Variants in TMEFF1 observed in about 807,000 individuals in gnomAD.
TMEFF1 encodes the protein tomoregulin-1.
In TMEFF1, 20 loss-of-function variants were observed where a neutral mutation model predicts 47.5. That is an observed-to-expected ratio of 0.42 (90% confidence interval 0.30 to 0.61). The LOEUF (loss-of-function observed/expected upper bound fraction) is 0.61. Among genes scored for constraint, TMEFF1 ranks in the 20% least tolerant of loss-of-function variants. TMEFF1 has a pLI of 0.19. For synonymous variants in TMEFF1, 162 were observed against 166.3 expected, an observed-to-expected ratio of 0.97 and a Z score of 0.20; for missense variants, 411 against 471.1, an observed-to-expected ratio of 0.87 and a Z score of 1.18.
Position 100,527,225 on chromosome 9 carries a change from C to G in TMEFF1, c.560+10454C>G, listed in dbSNP as rs150204271. On this transcript the variant is annotated intron_variant, in intron 5 of 9. Transcript: ENST00000374879. ...TGTCTTTTTAAAAAATGCCTGGATC[C>G]GGAGGGGAGGAGCCAAGATGGCCGA... is the stretch of plus-strand genomic sequence containing the variant. Among the ~76,000 whole-genome samples, 5 of 151,996 alleles carry G rather than the reference C, an allele frequency of 3.3e-5. No individual in the cohort carries two copies. The East Asian group carries it at 5.8e-4, about 18-fold the overall frequency.
intron 5 of TMEFF1, among the ~76,000 whole-genome samples, chr9:100,546,399 G>C (rs1838732742): frequency 6.6e-6 from 1 of 151,950 alleles, no homozygotes. Context: ...CATGAGAGCA[G>C]CACAGGAAAG....
intron 1 of TMEFF1, among the ~76,000 whole-genome samples, chr9:100,483,531 G>C (rs1433229386): frequency 1.0e-5 from 1 of 99,210 alleles, no homozygotes; most frequent in Non-Finnish European, 2.3e-5. Flanking sequence ...AAACAAACAA[G>C]GTGTGTCATT....
intron 5 of TMEFF1, among the ~76,000 whole-genome samples, chr9:100,539,416 T>G (rs1290975604): frequency 6.6e-6 from 1 of 152,224 alleles, no homozygotes; most frequent in African/African-American, 2.4e-5. Context: ...AAAGATGGTA[T>G]GTCCGGAGTT....
At chr9:100,498,481 A>G (rs978033097) in intron 1 of TMEFF1, among the ~76,000 whole-genome samples, 5 of 152,140 alleles carry the variant, frequency 3.3e-5, no homozygotes, top group Non-Finnish European at 7.4e-5. Context: ...CAAAATGGAA[A>G]AATTCCACAG....
intron 1 of TMEFF1, among the ~76,000 whole-genome samples, chr9:100,480,675 A>G (rs1837323103): frequency 6.6e-6 from 1 of 152,160 alleles, no homozygotes; most frequent in East Asian, 1.9e-4. Flanking sequence ...GGAAGTGGGG[A>G]ACTGTGTTTG....
intron 5 of TMEFF1, among the ~76,000 whole-genome samples, chr9:100,522,460 C>T (rs534765176): frequency 1.1e-3 from 70 of 60,994 alleles, no homozygotes; most frequent in Admixed American, 2.1e-3. Context: ...TTTTTTGAGA[C>T]GGAGTTTTGC....
chr9:100,478,634 TTATG>T (rs2118231393), intron 1 of TMEFF1, among the ~76,000 whole-genome samples: 1 of 152,334 alleles, frequency 6.6e-6, no homozygotes, highest in East Asian at 1.9e-4. Context: ...TCTTTTTTAT[TTATG>T]CTTATTTTTT....
intron 3 of TMEFF1, among the ~76,000 whole-genome samples, chr9:100,512,781 A>T (rs1837992302): frequency 6.6e-6 from 1 of 151,958 alleles, no homozygotes; most frequent in Non-Finnish European, 1.5e-5. Flanking sequence ...TAACATGAAA[A>T]CCTCAAGCCT....
At position 100,561,494 on chromosome 9, in the gene TMEFF1, C is replaced by T. The variant is rs778198988; in HGVS notation, c.873C>T (p.Ile291=). Residue 291 remains isoleucine, a synonymous_variant, in exon 8 of 10, where the codon ATC becomes ATT. Transcript: ENST00000374879. ...GCATCCATGGAAAATGTGAATTCAT[C>T]TATTCTACTCAGAAGGCTTCTTGTA... is the stretch of plus-strand genomic sequence containing the variant. The part of the protein sequence containing the change: ...GYCIHGKCEF[I]YSTQKASCRC... 17 of 1,613,528 alleles carry T rather than the reference C, an allele frequency of 1.1e-5. No homozygotes were observed. Among genetic ancestry groups the T allele is most frequent in the Non-Finnish European group, 1.3e-5 (15 of 1,179,776 alleles).
intron 7 of TMEFF1, among the ~76,000 whole-genome samples, chr9:100,554,092 A>T (rs1252875395): frequency 6.6e-6 from 1 of 151,528 alleles, no homozygotes; most frequent in Non-Finnish European, 1.5e-5. Context: ...CCTTGTCCCA[A>T]CCCCCACCCC....
At chr9:100,535,510 C>T (rs1221785955) in intron 5 of TMEFF1, among the ~76,000 whole-genome samples, 1 of 152,202 alleles carries the variant, frequency 6.6e-6, no homozygotes, top group Non-Finnish European at 1.5e-5. Flanking sequence ...GTGGCTCACA[C>T]CTGTAATCCC....
chr9:100,539,405 T>A (rs535490689), intron 5 of TMEFF1, among the ~76,000 whole-genome samples: 21 of 152,324 alleles, frequency 1.4e-4, no homozygotes, highest in African/African-American at 5.1e-4. Context: ...TTACGGTTCT[T>A]AAAGATGGTA....
chr9:100,549,162 C>A (rs759359383), intron 6 of TMEFF1, among the ~76,000 whole-genome samples: 11 of 152,208 alleles, frequency 7.2e-5, no homozygotes, highest in Middle Eastern at 3.4e-3. Flanking sequence ...GTTCCACAGG[C>A]TATACAGGAA....
intron 5 of TMEFF1, among the ~76,000 whole-genome samples, chr9:100,530,484 A>G (rs1267576017): frequency 2.7e-4 from 41 of 152,230 alleles, no homozygotes; most frequent in Non-Finnish European, 5.7e-4. Flanking sequence ...TAGAAAATCT[A>G]GAAGAAATGG....
intron 3 of TMEFF1, 32 bp from the exon 4 acceptor site, chr9:100,513,275 T>C: frequency 6.3e-7 from 1 of 1,578,196 alleles, no homozygotes; most frequent in Middle Eastern, 1.8e-4. Context: ...CCGGGAAAAA[T>C]GTTCATATTC....
intron 2 of TMEFF1, among the ~76,000 whole-genome samples, chr9:100,508,647 A>G (rs2118358005): frequency 6.6e-6 from 1 of 151,396 alleles, no homozygotes; most frequent in African/African-American, 2.4e-5. Flanking sequence ...TATTTTTATG[A>G]TTAGGTTTGA....
chr9:100,515,221 G>C (rs1057513028), intron 4 of TMEFF1, among the ~76,000 whole-genome samples: 2 of 151,944 alleles, frequency 1.3e-5, no homozygotes, highest in African/African-American at 4.8e-5. Flanking sequence ...TTTTTTGAGA[G>C]CATGAGTTAG....
intron 5 of TMEFF1, among the ~76,000 whole-genome samples, chr9:100,517,077 A>T (rs1200940516): frequency 1.3e-5 from 2 of 152,144 alleles, no homozygotes; most frequent in African/African-American, 4.8e-5. Flanking sequence ...ACTCATGTTC[A>T]GCCTTCATTA....
At chr9:100,477,074 T>C (rs573062123) in intron 1 of TMEFF1, among the ~76,000 whole-genome samples, 1 of 152,338 alleles carries the variant, frequency 6.6e-6, no homozygotes, top group Admixed American at 6.5e-5. Flanking sequence ...CATTTCAGCC[T>C]ACTGTGAGCT....
Sources: gnomAD v4.1 joint callset for allele counts (sites outside exome capture counted in the v4.1 genomes callset) on GRCh38, gnomAD v4.1.1 for gene constraint, MANE v1.5 for transcripts, NCBI Gene and HGNC (gene_info 2026-07-23, HGNC 2026-07-21) for gene names.